The following AUTS2 variants were observed in gnomAD, a reference collection of about 807,000 sequenced individuals.
The protein encoded by AUTS2 is autism susceptibility gene 2 protein.
AUTS2 carries 17 observed loss-of-function variants against 112.4 expected under a neutral mutation model. The ratio of observed to expected loss-of-function variants is 0.15; its 90% confidence interval spans 0.10 to 0.23. The LOEUF (loss-of-function observed/expected upper bound fraction) is 0.23, where lower values mean the gene tolerates loss of function less well. Ranked by LOEUF, AUTS2 falls within the 10% of genes least tolerant of loss-of-function variation. AUTS2 has a pLI of 1.00. For missense variants in AUTS2, 1,510 were observed against 1,701.6 expected, an observed-to-expected ratio of 0.89 and a Z score of 1.98; for synonymous variants, 751 against 702.7, an observed-to-expected ratio of 1.07 and a Z score of -1.09.
At chr7:70,191,400 T>G (rs1809883157) in intron 4 of AUTS2, among the ~76,000 whole-genome samples, 1 of 152,084 alleles carries the variant, frequency 6.6e-6, no homozygotes, top group African/African-American at 2.4e-5. Context: ...CTCGGTCTCC[T>G]GACCTCATGA....
chr7:70,536,729 C>G (rs1226954925), intron 5 of AUTS2, among the ~76,000 whole-genome samples: 1 of 151,696 alleles, frequency 6.6e-6, no homozygotes, highest in Non-Finnish European at 1.5e-5. Context: ...GGAGAAACTT[C>G]GTCTCTACTA....
At position 69,894,257 on chromosome 7, in the gene AUTS2, T is replaced by TTTTTTTTTTGTTG. The variant is rs1554400351; in HGVS notation, c.310-5020_310-5019insGTTGTTTTTTTTT. Among the ~76,000 whole-genome samples, 40 of 131,788 alleles carry TTTTTTTTTTGTTG rather than the reference T, an allele frequency of 3.0e-4. 1 individual carries two copies. The highest frequency in any genetic ancestry group is 1.1e-3 in the African/African-American group (37 of 35,074). The allele number at this position is 131,788 out of a possible 152,430, so 86.5% of individuals were successfully genotyped here. ...TCAAATGAATGCCTTAAAGCGTTTTTTTTTTTTTTTTTTTTTTTTTTAACA... is the reference window on the plus strand; with the variant it reads ...TCAAATGAATGCCTTAAAGCGTTTTTTTTTTTTTTGTTGTTTTTTTTTTTTTTTTTTTTTAACA... On this transcript the variant is annotated intron_variant, in intron 1 of 18. Coordinates refer to ENST00000342771, the MANE Select transcript of AUTS2 (RefSeq NM_015570.4).
intron 14 of AUTS2, 164 bp from the exon 15 acceptor site, chr7:70,781,451 T>G: frequency 1.3e-6 from 1 of 753,728 alleles, no homozygotes; most frequent in Non-Finnish European, 2.0e-6. Context: ...CCTGCAGATC[T>G]GACATTTGAG....
At chr7:70,293,127 G>A (rs949129549) in intron 4 of AUTS2, 3 of 152,148 alleles carry the variant, frequency 2.0e-5, no homozygotes, top group African/African-American at 7.2e-5. Flanking sequence ...CATCTCTGTT[G>A]TCATTTGTTC....
At chr7:70,496,702 T>TCA (rs1798539406) in intron 5 of AUTS2, among the ~76,000 whole-genome samples, 1 of 29,550 alleles carries the variant, frequency 3.4e-5, no homozygotes, top group Non-Finnish European at 6.3e-5. Flanking sequence ...ACGTACACAG[T>TCA]CACACACGCA....
At chr7:70,744,132 G>A (rs1035932714) in intron 6 of AUTS2, among the ~76,000 whole-genome samples, 5 of 152,090 alleles carry the variant, frequency 3.3e-5, no homozygotes, top group African/African-American at 1.2e-4. Flanking sequence ...TTTCCTCGGG[G>A]GATGTTTGGA....
chr7:70,604,299 G>C (rs1803620233), intron 5 of AUTS2, among the ~76,000 whole-genome samples: 1 of 152,176 alleles, frequency 6.6e-6, no homozygotes, highest in Non-Finnish European at 1.5e-5. Context: ...GGTGGGCCGA[G>C]AGCAAAGTGT....
At position 69,870,448 on chromosome 7, in the gene AUTS2, A is replaced by ATATATATATATATATATATATATATATAT. The variant is rs1554395050; in HGVS notation, c.310-28838_310-28837insTATATATATATATATATATATATATATAT. ...TACATATCTGTGCGTATGTGTGTGT[A>ATATATATATATATATATATATATATATAT]ATATATATATATATATATGTATTCA... is the stretch of plus-strand genomic sequence containing the variant. On this transcript the variant is annotated intron_variant, in intron 1 of 18. Transcript: ENST00000342771. Among the ~76,000 whole-genome samples the ATATATATATATATATATATATATATATAT allele has an allele frequency of 1.5e-3, 116 of 78,962 alleles. 1 individual carries two copies. Among genetic ancestry groups the ATATATATATATATATATATATATATATAT allele is most frequent in the Non-Finnish European group, 2.5e-3 (97 of 39,450 alleles). The allele number at this position is 78,962 out of a possible 152,430, so 51.8% of individuals were successfully genotyped here.
At position 70,789,844 on chromosome 7, in the gene AUTS2, C is replaced by A. The variant is rs1791765211; in HGVS notation, c.2628C>A (p.Ile876=). ...LGHTRSSTEQ[I]RAHLNTEARE... Reference sequence around the variant, plus strand: ...ATACCCGCAGCTCCACTGAACAGATCCGGGCTCATCTGAACACTGAGGCTC... The same window carrying A: ...ATACCCGCAGCTCCACTGAACAGATACGGGCTCATCTGAACACTGAGGCTC... Residue 876 remains isoleucine (I), a synonymous_variant, in exon 19 of 19, where the codon ATC becomes ATA. Transcript: ENST00000342771. 6.2e-7 allele frequency: 1 copy of A among 1,614,062 alleles called. No homozygotes were observed. The highest frequency in any genetic ancestry group is 1.3e-5 in the African/African-American group (1 of 74,914).
intron 6 of AUTS2, among the ~76,000 whole-genome samples, chr7:70,719,279 T>G (rs983748763): frequency 6.6e-6 from 1 of 152,164 alleles, no homozygotes; most frequent in Non-Finnish European, 1.5e-5. Flanking sequence ...AAATGTCTGC[T>G]CAATTAAAAG....
chr7:69,627,442 G>C (rs1055508139), intron 1 of AUTS2, among the ~76,000 whole-genome samples: 5 of 151,964 alleles, frequency 3.3e-5, no homozygotes, highest in Non-Finnish European at 5.9e-5. Flanking sequence ...GGTGAACTGA[G>C]ATCACGCCAT....
intron 1 of AUTS2, among the ~76,000 whole-genome samples, chr7:69,608,124 G>T (rs1033000440): frequency 6.6e-6 from 1 of 152,028 alleles, no homozygotes; most frequent in Non-Finnish European, 1.5e-5. Flanking sequence ...TGTAGAGATA[G>T]AGTTTTGCCA....
chr7:69,821,449 C>T (rs1381440861), intron 1 of AUTS2, among the ~76,000 whole-genome samples: 2 of 152,018 alleles, frequency 1.3e-5, no homozygotes, highest in Non-Finnish European at 2.9e-5. Flanking sequence ...ATGAGCAGGA[C>T]GTGGGCAGGG....
intron 3 of AUTS2, among the ~76,000 whole-genome samples, chr7:70,130,540 C>A (rs961972292): frequency 6.6e-6 from 1 of 152,106 alleles, no homozygotes; most frequent in Non-Finnish European, 1.5e-5. Flanking sequence ...AAATGTCTTT[C>A]AACTGTGCAT....
chr7:69,604,215 G>A (rs1792589778), intron 1 of AUTS2, among the ~76,000 whole-genome samples: 1 of 152,178 alleles, frequency 6.6e-6, no homozygotes, highest in Non-Finnish European at 1.5e-5. Flanking sequence ...AGTAGCATAA[G>A]TGGGCTATAC....
chr7:70,529,430 C>T (rs2129497424), intron 5 of AUTS2, among the ~76,000 whole-genome samples: 1 of 152,322 alleles, frequency 6.6e-6, no homozygotes, highest in East Asian at 1.9e-4. Context: ...CCTGCTAAAA[C>T]TGTACAGCTT....
intron 6 of AUTS2, among the ~76,000 whole-genome samples, chr7:70,735,066 C>A (rs1490239422): frequency 6.6e-6 from 1 of 151,982 alleles, no homozygotes; most frequent in Non-Finnish European, 1.5e-5. Flanking sequence ...TTTATAAGAC[C>A]TTAATACCCA....
At chr7:70,467,296 A>T (rs1021973604) in intron 5 of AUTS2, among the ~76,000 whole-genome samples, 2 of 152,228 alleles carry the variant, frequency 1.3e-5, no homozygotes, top group African/African-American at 4.8e-5. Context: ...TTTTATATTC[A>T]TAACTTTGTA....
At position 70,523,612 on chromosome 7, in the gene AUTS2, G is replaced by A. The variant is rs567946448; in HGVS notation, c.690+87831G>A. Among the ~76,000 whole-genome samples the A allele has an allele frequency of 9.8e-5, 15 of 152,298 alleles. 1 individual carries two copies. In the South Asian group the frequency reaches 3.1e-3, roughly 32 times the overall value. Reference sequence around the variant, plus strand: ...AGGAATCAGTTTGGGGGCGTCTAGGGGTCTAGTGTGGCATTCAGACTTGCT... The same window carrying A: ...AGGAATCAGTTTGGGGGCGTCTAGGAGTCTAGTGTGGCATTCAGACTTGCT... On this transcript the variant is annotated intron_variant, in intron 5 of 18. Coordinates refer to ENST00000342771, the MANE Select transcript of AUTS2 (RefSeq NM_015570.4).
Sources: gnomAD v4.1 joint callset for allele counts (sites outside exome capture counted in the v4.1 genomes callset) on GRCh38, gnomAD v4.1.1 for gene constraint, MANE v1.5 for transcripts, NCBI Gene and HGNC (gene_info 2026-07-23, HGNC 2026-07-21) for gene names.